The following PLEKHA7 variants were observed in gnomAD, a reference collection of about 807,000 sequenced individuals.
The protein encoded by PLEKHA7 is pleckstrin homology domain-containing family A member 7.
In PLEKHA7, 104 loss-of-function variants were observed where a neutral mutation model predicts 170.0. The observed-to-expected ratio is 0.61, with a 90% CI of 0.52 to 0.72. The LOEUF is 0.72. Ranked by LOEUF, PLEKHA7 falls within the 30% of genes least tolerant of loss-of-function variation. The pLI, the probability that PLEKHA7 is intolerant of heterozygous loss-of-function variation, is 0.00. For synonymous variants in PLEKHA7, 648 were observed against 660.8 expected (o/e 0.98, Z 0.30); for missense variants, 1,615 against 1,671.7 (o/e 0.97, Z 0.59).
chr11:16,986,798 A>C (rs1392710940), intron 3 of PLEKHA7, among the ~76,000 whole-genome samples: 1 of 152,132 alleles, frequency 6.6e-6, no homozygotes, highest in Non-Finnish European at 1.5e-5. Flanking sequence ...GAAAGGCCCC[A>C]ATCAGATAAG....
At chr11:16,993,577 T>C (rs533465138) in intron 3 of PLEKHA7, among the ~76,000 whole-genome samples, 224 of 152,226 alleles carry the variant, frequency 1.5e-3, no homozygotes, top group Admixed American at 2.6e-3. Flanking sequence ...GGGACACTGT[T>C]TCCTTTCTTG....
intron 3 of PLEKHA7, among the ~76,000 whole-genome samples, chr11:16,899,738 C>T (rs554004185): frequency 6.6e-6 from 1 of 151,930 alleles, no homozygotes; most frequent in East Asian, 1.9e-4. Flanking sequence ...ATTTAATATT[C>T]ATCACAAGCA....
At chr11:16,855,668 C>A (rs1011627825) in intron 5 of PLEKHA7, 135 bp downstream of exon 5, 3 of 699,080 alleles carry the variant, frequency 4.3e-6, no homozygotes, top group Middle Eastern at 5.1e-4. Context: ...GTTTCCTGAT[C>A]TGTCATTTGG....
chr11:16,955,354 T>TGCCCC (rs1215101606), intron 3 of PLEKHA7, among the ~76,000 whole-genome samples: 1 of 152,232 alleles, frequency 6.6e-6, no homozygotes, highest in Non-Finnish European at 1.5e-5. Flanking sequence ...TGGAATAAAC[T>TGCCCC]GCCCCTGTGT....
At chr11:16,908,279 G>T (rs199608708) in intron 3 of PLEKHA7, among the ~76,000 whole-genome samples, 1 of 141,370 alleles carries the variant, frequency 7.1e-6, no homozygotes, top group African/African-American at 2.6e-5. Flanking sequence ...AAGAAAATTG[G>T]AAAAAAAAAA....
intron 3 of PLEKHA7, among the ~76,000 whole-genome samples, chr11:16,890,422 T>A (rs1042091399): frequency 6.6e-6 from 1 of 152,124 alleles, no homozygotes; most frequent in Non-Finnish European, 1.5e-5. Context: ...GATAAAGACA[T>A]TTACAAAGTA....
rs555737289 is a variant in PLEKHA7 at position 16,894,790 on chromosome 11, G to A, written c.222-23608C>T. ...GCAGATATCCAAAACTGGGGGCAGGGGAGGGGAGTAGATAAAGAACCACAC... is the reference window on the plus strand; with the variant it reads ...GCAGATATCCAAAACTGGGGGCAGGAGAGGGGAGTAGATAAAGAACCACAC... On this transcript the variant is annotated intron_variant, in intron 3 of 26. Coordinates refer to ENST00000531066, the MANE Select transcript of PLEKHA7 (RefSeq NM_001329630.2). 1.3e-4 allele frequency among the ~76,000 whole-genome samples: 20 copies of A among 152,252 alleles called. No individual in the cohort carries two copies. In the South Asian group the frequency reaches 3.9e-3, roughly 30 times the overall value.
rs140194615 is a variant in PLEKHA7 at position 16,896,064 on chromosome 11, C to T, written c.222-24882G>A. Among the ~76,000 whole-genome samples, 120 of 152,258 alleles carry T rather than the reference C, an allele frequency of 7.9e-4. 2 individuals are homozygous for T. In the East Asian group the frequency reaches 0.012, roughly 15 times the overall value. On this transcript the variant is annotated intron_variant, in intron 3 of 26. Coordinates refer to ENST00000531066, the MANE Select transcript of PLEKHA7 (RefSeq NM_001329630.2). ...TTGCCTTTTCAGGCTAAATATCTTC[C>T]CCAGGAAAGCTCCTGCCCTGCCATG...
At chr11:16,893,044 G>T (rs1337376222) in intron 3 of PLEKHA7, among the ~76,000 whole-genome samples, 1 of 152,148 alleles carries the variant, frequency 6.6e-6, no homozygotes, top group Non-Finnish European at 1.5e-5. Flanking sequence ...GCTTTCTCTT[G>T]TAGCTCTTAT....
At chr11:16,919,344 G>T (rs1344438757) in intron 3 of PLEKHA7, among the ~76,000 whole-genome samples, 1 of 152,148 alleles carries the variant, frequency 6.6e-6, no homozygotes, top group Non-Finnish European at 1.5e-5. Flanking sequence ...TGTATGCCCA[G>T]GTCACTTCTC....
At chr11:16,811,893 C>T (rs995403998) in intron 13 of PLEKHA7, among the ~76,000 whole-genome samples, 10 of 152,194 alleles carry the variant, frequency 6.6e-5, no homozygotes, top group African/African-American at 2.4e-4. Context: ...CTTTAAATCT[C>T]AACCAGCCCC....
chr11:16,782,922 T>C (rs1339606710), intron 25 of PLEKHA7, 26 bp from the exon 26 acceptor site: 3 of 1,533,506 alleles, frequency 2.0e-6, no homozygotes, highest in Middle Eastern at 1.7e-4. Flanking sequence ...AAGCAGACCA[T>C]GGGCCCTCCT....
rs1376462643 is a variant in PLEKHA7, at chr11:16,786,363, G to C, written c.3382C>G (p.Leu1128Val). The C allele has an allele frequency of 1.3e-6, 2 of 1,536,150 alleles. No individual in the cohort carries two copies. The highest frequency in any genetic ancestry group is 2.7e-5 in the African/African-American group (2 of 73,156). ...TGCACGACCCGTTCCAGCAACTGCA[G>C]GTCAAAGTCCTGCTCACGCTTCCAC... ...GSWKREQDFDLQLLERVVQGE... is the reference protein window; with the variant it reads ...GSWKREQDFDVQLLERVVQGE... Residue 1128 changes from leucine (L) to valine (V), a missense_variant, in exon 24 of 27, where the codon CTG (leucine) becomes GTG (valine). By Grantham distance (32) the Leu-to-Val change is conservative. Transcript: ENST00000531066.
At chr11:16,954,999 AT>A (rs1487575146) in intron 3 of PLEKHA7, among the ~76,000 whole-genome samples, 1 of 152,042 alleles carries the variant, frequency 6.6e-6, no homozygotes. Context: ...CTCATGCTTT[AT>A]TTTCACATAT....
At chr11:16,862,167 T>G (rs1043662094) in intron 4 of PLEKHA7, among the ~76,000 whole-genome samples, 1 of 152,114 alleles carries the variant, frequency 6.6e-6, no homozygotes, top group African/African-American at 2.4e-5. Flanking sequence ...CCTCAAGTCC[T>G]TTCTTGAACA....
chr11:16,806,123 G>A (rs1236120347), intron 13 of PLEKHA7, among the ~76,000 whole-genome samples: 1 of 152,184 alleles, frequency 6.6e-6, no homozygotes, highest in Admixed American at 6.5e-5. Flanking sequence ...AAGAAATTCG[G>A]GCAATGTTTG....
At chr11:16,857,167 G>C (rs563448142) in intron 4 of PLEKHA7, among the ~76,000 whole-genome samples, 42 of 152,314 alleles carry the variant, frequency 2.8e-4, no homozygotes, top group African/African-American at 9.4e-4. Flanking sequence ...CGGAGACAGA[G>C]CCCAATATCC....
chr11:16,948,568 C>T (rs920591737), intron 3 of PLEKHA7, among the ~76,000 whole-genome samples: 1 of 152,040 alleles, frequency 6.6e-6, no homozygotes, highest in Admixed American at 6.6e-5. Context: ...TGCACAAATA[C>T]ATGTGTTCAC....
chr11:16,952,426 G>A (rs1397346971), intron 3 of PLEKHA7, among the ~76,000 whole-genome samples: 3 of 152,198 alleles, frequency 2.0e-5, no homozygotes, highest in Admixed American at 6.5e-5. Context: ...AAGACTTTGT[G>A]AGACCAGCCC....
Sources: gnomAD v4.1 joint callset for allele counts (sites outside exome capture counted in the v4.1 genomes callset) on GRCh38, gnomAD v4.1.1 for gene constraint, MANE v1.5 for transcripts, NCBI Gene and HGNC (gene_info 2026-07-23, HGNC 2026-07-21) for gene names.